Variants in CHD5 observed in about 807,000 individuals in gnomAD.
CHD5 encodes chromodomain helicase DNA binding protein 5, also known as ATP-dependent chromatin remodeler CHD5.
Under a neutral mutation model 230.3 loss-of-function variants are expected in CHD5, and 69 were observed. The observed-to-expected ratio is 0.30, with a 90% CI of 0.25 to 0.37. The LOEUF is 0.37. CHD5 is among the 10% of genes least tolerant of loss of function. The pLI is 1.00. For missense variants in CHD5, 1,827 were observed against 2,622.8 expected (o/e 0.70, Z 6.63); for synonymous variants, 1,064 against 1,065.9 (o/e 1.00, Z 0.03).
Position 6,136,334 on chromosome 1 carries a change from G to A in CHD5, c.2696+183C>T, listed in dbSNP as rs72632523. ...TTACCAAACATTCCCATGTGCCCAC[G>A]CCACCCACCCCAACACCCTGCTCCT... On this transcript the variant is annotated intron_variant, in intron 17 of 41. Transcript: ENST00000262450. Among the ~76,000 whole-genome samples the A allele has an allele frequency of 0.079, 12,069 of 152,192 alleles. 595 individuals are homozygous for A. The highest frequency in any genetic ancestry group is 0.16 in the South Asian group (751 of 4,818).
intron 7 of CHD5, among the ~76,000 whole-genome samples, chr1:6,150,767 G>A (rs1413875358): frequency 6.6e-6 from 1 of 152,116 alleles, no homozygotes; most frequent in Non-Finnish European, 1.5e-5. Flanking sequence ...CAAATGCCCT[G>A]GGGTAGCTCC....
chr1:6,121,170 C>A lies in CHD5; in HGVS notation c.4847G>T (p.Arg1616Ile). The A allele has an allele frequency of 6.2e-7, 1 of 1,614,134 alleles. No individual in the cohort carries two copies. Among genetic ancestry groups the A allele is most frequent in the Non-Finnish European group, 8.5e-7 (1 of 1,179,992 alleles). ...DKHESPASKE[R>I]AREERPEETE... is the part of the protein sequence containing the mutation. The stretch of plus-strand genomic sequence containing the variant: ...CTCCTCTGGCCGCTCCTCTCGGGCT[C>A]TCTCCTTGCTGGCTGGGCTCTCGTG... The change falls in exon 33 of 42, where the codon AGA (arginine) becomes ATA (isoleucine). Residue 1616 changes from arginine to isoleucine, a missense_variant. This residue lies in a region of CHD5 where 272 missense variants were observed against 263.2 expected (regional missense o/e 1.03). Transcript: ENST00000262450. The surrounding 1 kb of genome is among the most constrained non-coding windows in gnomAD (Gnocchi z 4.5).
At position 6,112,971 on chromosome 1, in the gene CHD5, A is replaced by G. The variant is rs1274231161; in HGVS notation, c.4940T>C (p.Ile1647Thr). ...CAAGCTCAGCTCCAGCTTGTCCAGG[A>G]TCTTCTCCTTCTCAGGAAGCACCTC... is the stretch of plus-strand genomic sequence containing the variant. ...REEVLPEKEK[I>T]LDKLELSLIH... is the part of the protein sequence containing the mutation. The change falls in exon 34 of 42, where the codon ATC (isoleucine) becomes ACC (threonine). Residue 1647 changes from isoleucine (I) to threonine (T), a missense_variant. Around this residue, in one of 14 missense-constraint regions of CHD5, gnomAD observed 272 missense variants for 263.2 expected, o/e 1.03. Coordinates refer to ENST00000262450, the MANE Select transcript of CHD5 (RefSeq NM_015557.3). The G allele has an allele frequency of 1.2e-6, 2 of 1,613,934 alleles. No homozygotes were observed. The highest frequency in any genetic ancestry group is 1.7e-6 in the Non-Finnish European group (2 of 1,179,892).
At chr1:6,136,055 T>C (rs900231461) in intron 17 of CHD5, among the ~76,000 whole-genome samples, 1 of 151,684 alleles carries the variant, frequency 6.6e-6, no homozygotes, top group African/African-American at 2.4e-5. Flanking sequence ...CATCTCCTGA[T>C]TCCAAAATCG....
At chr1:6,164,507 G>T (rs964498324) in intron 2 of CHD5, among the ~76,000 whole-genome samples, 2 of 152,138 alleles carry the variant, frequency 1.3e-5, no homozygotes, top group African/African-American at 4.8e-5. Flanking sequence ...CAGAATCCAC[G>T]ACTTGCTGCC....
rs770744143 is a variant in CHD5 at position 6,126,650 on chromosome 1, C to T, written c.4000G>A (p.Asp1334Asn). Residue 1334 changes from aspartate to asparagine, a missense_variant, in exon 26 of 42, where the codon GAC becomes AAC. Transcript: ENST00000262450. This position sits in a 1 kb window ranked among gnomAD's most constrained non-coding sequence, Gnocchi z 5.7. ...CCCTTGCCCAGGTTGCGGGCCAGGTCCTCCTGCTGCTGCTCATAGTGGTGC... is the reference window on the plus strand; with the variant it reads ...CCCTTGCCCAGGTTGCGGGCCAGGTTCTCCTGCTGCTGCTCATAGTGGTGC... Reference protein sequence around the residue: ...LRHHYEQQQEDLARNLGKGKR... With the variant: ...LRHHYEQQQENLARNLGKGKR... 17 of 1,613,892 alleles carry T rather than the reference C, an allele frequency of 1.1e-5. No individual in the cohort carries two copies. Among genetic ancestry groups the T allele is most frequent in the Admixed American group, 3.3e-5 (2 of 60,012 alleles).
Position 6,155,357 on chromosome 1 carries a change from A to C in CHD5, c.506+242T>G, listed in dbSNP as rs1667065015. 6.6e-6 allele frequency among the ~76,000 whole-genome samples: 1 copy of C among 151,978 alleles called. No individual in the cohort carries two copies. The highest frequency in any genetic ancestry group is 2.1e-4 in the South Asian group (1 of 4,818). On this transcript the variant is annotated intron_variant, in intron 4 of 41. Transcript: ENST00000262450. The surrounding 1 kb of genome is among the most constrained non-coding windows in gnomAD (Gnocchi z 4.0). ...GAAAGACCCCCCAGGAAAGACTGGA[A>C]CCACCTTCCCCAAGGGGAAGAGACT... is the stretch of plus-strand genomic sequence containing the variant.
At chr1:6,124,901 G>C (rs1666529882) in intron 29 of CHD5, among the ~76,000 whole-genome samples, 199 bp downstream of exon 29, 1 of 152,226 alleles carries the variant, frequency 6.6e-6, no homozygotes, top group Admixed American at 6.5e-5. Context: ...GGTTTGGGCA[G>C]GGGCGGATGG....
At chr1:6,136,355 C>T (rs1666746709) in intron 17 of CHD5, among the ~76,000 whole-genome samples, 162 bp downstream of exon 17, 2 of 152,168 alleles carry the variant, frequency 1.3e-5, no homozygotes, top group Non-Finnish European at 2.9e-5. Context: ...CAACACCCTG[C>T]TCCTGCAGGA....
At chr1:6,144,279 C>G (rs1035397524) in intron 11 of CHD5, 124 bp from the exon 12 acceptor site, 4 of 1,361,304 alleles carry the variant, frequency 2.9e-6, no homozygotes, top group Non-Finnish European at 4.1e-6. Context: ...TGGGCCCAGC[C>G]AGGAGGAGGA....
Position 6,142,676 on chromosome 1 carries a change from C to A in CHD5, c.2044-71G>T. The A allele has an allele frequency of 6.9e-7, 1 of 1,459,370 alleles. No individual in the cohort carries two copies. The highest frequency in any genetic ancestry group is 9.3e-7 in the Non-Finnish European group (1 of 1,077,146). The allele number at this position is 1,459,370 out of a possible 1,614,324, so 90.4% of individuals were successfully genotyped here. A position where few individuals can be genotyped will look rare whatever the true frequency, so the allele number is the denominator to read the frequency against. ...CCAGAGTCCACACTACAGGCCTTTG[C>A]ACATGCAATTCCTTCTGCCTGGAAC... is the stretch of plus-strand genomic sequence containing the variant. On this transcript the variant is annotated intron_variant, in intron 13 of 41. Transcript: ENST00000262450. The surrounding 1 kb of genome is among the most constrained non-coding windows in gnomAD (Gnocchi z 5.2).
At position 6,167,842 on chromosome 1, in the gene CHD5, G is replaced by A. The variant is rs1048374622; in HGVS notation, c.207+308C>T. ...CAGCTACAGAGCAGGGAGTGGGGCA[G>A]GGAGGTAGGGAGGCACCGTGGCGAC... On this transcript the variant is annotated intron_variant, in intron 2 of 41. Coordinates refer to ENST00000262450, the MANE Select transcript of CHD5 (RefSeq NM_015557.3). The surrounding 1 kb of genome is among the most constrained non-coding windows in gnomAD (Gnocchi z 4.5). Among the ~76,000 whole-genome samples the A allele has an allele frequency of 6.6e-6, 1 of 152,166 alleles. No homozygotes were observed. Among genetic ancestry groups the A allele is most frequent in the Non-Finnish European group, 1.5e-5 (1 of 68,042 alleles).
rs747802208 is a variant in CHD5 at position 6,167,174 on chromosome 1, G to A, written c.207+976C>T. ...CCTCTAGGCGGGGGAAAGAAAGGTG[G>A]AGAGCTGGCCTCAGGTCCCCCCGGG... On this transcript the variant is annotated intron_variant, in intron 2 of 41. Transcript: ENST00000262450. The surrounding 1 kb of genome is among the most constrained non-coding windows in gnomAD (Gnocchi z 4.5). Among the ~76,000 whole-genome samples the A allele has an allele frequency of 2.0e-5, 3 of 152,212 alleles. No homozygotes were observed. The highest frequency in any genetic ancestry group is 4.4e-5 in the Non-Finnish European group (3 of 68,044).
chr1:6,151,876 G>C (rs980550795), intron 6 of CHD5, among the ~76,000 whole-genome samples: 2 of 152,164 alleles, frequency 1.3e-5, no homozygotes, highest in African/African-American at 2.4e-5. Context: ...ACAGAGAAAG[G>C]GGGGCCCCAA....
At chr1:6,133,458 T>C (rs982064865) in intron 20 of CHD5, among the ~76,000 whole-genome samples, 3 of 152,218 alleles carry the variant, frequency 2.0e-5, no homozygotes, top group Non-Finnish European at 4.4e-5. Context: ...GCCCAGACTC[T>C]GGGTTTGAGC....
At position 6,168,267 on chromosome 1, in the gene CHD5, ATCT is replaced by A. The variant is rs781102956; in HGVS notation, c.87_89del (p.Glu29del). 16 of 1,595,424 alleles carry A rather than the reference ATCT, an allele frequency of 1.0e-5. No individual in the cohort carries two copies. The highest frequency in any genetic ancestry group is 1.7e-4 in the Middle Eastern group (1 of 5,982). On this transcript the variant is annotated inframe_deletion, in exon 2 of 42. Coordinates refer to ENST00000262450, the MANE Select transcript of CHD5 (RefSeq NM_015557.3). ...AGTCATCGAAGGCTTCAAGACCACC[ATCT>A]TCTTCTTCTGGAAAAATCAGAAGGT...
intron 15 of CHD5, among the ~76,000 whole-genome samples, chr1:6,139,900 A>T (rs1358355126): frequency 6.6e-6 from 1 of 152,048 alleles, no homozygotes; most frequent in African/African-American, 2.4e-5. Context: ...CTACAAAGTC[A>T]CCTGTGGGAT....
chr1:6,175,353 A>G (rs1167110382), intron 1 of CHD5, among the ~76,000 whole-genome samples: 3 of 117,994 alleles, frequency 2.5e-5, no homozygotes, highest in African/African-American at 1.3e-4. Flanking sequence ...GGATGAGTGG[A>G]TGGTGGATGG....
chr1:6,142,092 C>T lies in CHD5; in HGVS notation c.2436+36G>A. On this transcript the variant is annotated intron_variant, in intron 15 of 41. Coordinates refer to ENST00000262450, the MANE Select transcript of CHD5 (RefSeq NM_015557.3). The surrounding 1 kb of genome is among the most constrained non-coding windows in gnomAD (Gnocchi z 5.2). ...GTGGTCCCTGAACTAGACCGGGGGC[C>T]TTCCTACCGTCCTTCCAAGGATAGC... The T allele has an allele frequency of 6.3e-7, 1 of 1,587,608 alleles. No individual in the cohort carries two copies. Among genetic ancestry groups the T allele is most frequent in the Non-Finnish European group, 8.6e-7 (1 of 1,156,780 alleles).
Sources: gnomAD v4.1 joint callset for allele counts (sites outside exome capture counted in the v4.1 genomes callset) on GRCh38, gnomAD v4.1.1 for gene constraint, gnomAD v4.1.1 regional missense constraint, Gnocchi (gnomAD v3.1) non-coding constraint, MANE v1.5 for transcripts, NCBI Gene and HGNC (gene_info 2026-07-23, HGNC 2026-07-21) for gene names.